PBX3: variants seen among roughly 807,000 people sequenced by gnomAD.
The protein encoded by PBX3 is PBX homeobox 3.
Under a neutral mutation model 48.5 loss-of-function variants are expected in PBX3, and 14 were observed. The ratio of observed to expected loss-of-function variants is 0.29; its 90% CI spans 0.19 to 0.45. The LOEUF is 0.45. Among genes scored for constraint, PBX3 ranks in the 20% least tolerant of loss-of-function variants. PBX3 has a pLI of 1.00. For missense variants in PBX3, 386 were observed against 546.7 expected (o/e 0.71, Z 2.93); for synonymous variants, 210 against 200.3 (o/e 1.05, Z -0.41).
chr9:125,841,630 C>T lies in PBX3; in HGVS notation c.275-74056C>T, dbSNP rs1313516693. Among the ~76,000 whole-genome samples the T allele has an allele frequency of 2.0e-5, 3 of 152,134 alleles. No homozygotes were observed. The East Asian group carries it at 5.8e-4, about 29-fold the overall frequency. Reference sequence around the variant, plus strand: ...AGAGTGAAGTCTCTGGAGTATAGCTCTGCTGGTGTATGACTTGTTTTGGTC... The same window carrying T: ...AGAGTGAAGTCTCTGGAGTATAGCTTTGCTGGTGTATGACTTGTTTTGGTC... On this transcript the variant is annotated intron_variant, in intron 2 of 8. Coordinates refer to ENST00000373489, the MANE Select transcript of PBX3 (RefSeq NM_006195.6).
intron 5 of PBX3, among the ~76,000 whole-genome samples, chr9:125,959,092 C>T (rs1371315492): frequency 2.0e-5 from 3 of 152,190 alleles, no homozygotes; most frequent in Non-Finnish European, 4.4e-5. Context: ...TATAACCACT[C>T]CCATCTACCA....
At chr9:125,908,328 T>A (rs997331860) in intron 2 of PBX3, among the ~76,000 whole-genome samples, 1 of 152,060 alleles carries the variant, frequency 6.6e-6, no homozygotes, top group Non-Finnish European at 1.5e-5. Context: ...GTTATCCCAT[T>A]CACAGCATGG....
chr9:125,787,887 C>T (rs1837499969), intron 2 of PBX3, among the ~76,000 whole-genome samples: 1 of 152,090 alleles, frequency 6.6e-6, no homozygotes. Flanking sequence ...GGATGTGGCC[C>T]TGGGAGCTTG....
At chr9:125,928,897 A>G (rs886584670) in intron 3 of PBX3, among the ~76,000 whole-genome samples, 1 of 151,548 alleles carries the variant, frequency 6.6e-6, no homozygotes, top group African/African-American at 2.4e-5. Context: ...CTAAATTATA[A>G]TAGGTCATTG....
intron 2 of PBX3, among the ~76,000 whole-genome samples, chr9:125,825,445 T>C (rs1838780989): frequency 6.6e-6 from 1 of 152,062 alleles, no homozygotes; most frequent in African/African-American, 2.4e-5. Flanking sequence ...AAACAACTTA[T>C]ATTTCCAAAA....
chr9:125,955,895 C>T (rs1194202364), intron 5 of PBX3, among the ~76,000 whole-genome samples: 2 of 152,104 alleles, frequency 1.3e-5, no homozygotes, highest in Non-Finnish European at 2.9e-5. Flanking sequence ...TTTTCATTTC[C>T]CCACAGCACC....
At chr9:125,954,501 G>A (rs1842260145) in intron 5 of PBX3, among the ~76,000 whole-genome samples, 1 of 152,146 alleles carries the variant, frequency 6.6e-6, no homozygotes, top group Non-Finnish European at 1.5e-5. Flanking sequence ...AAAAAGAAGA[G>A]CATAAAATTT....
chr9:125,787,880 T>C (rs1412516260), intron 2 of PBX3, among the ~76,000 whole-genome samples: 1 of 152,220 alleles, frequency 6.6e-6, no homozygotes, highest in Non-Finnish European at 1.5e-5. Context: ...AAGTTCAGGA[T>C]GTGGCCCTGG....
intron 2 of PBX3, among the ~76,000 whole-genome samples, chr9:125,899,266 TAA>T (rs1255071864): frequency 2.4e-5 from 3 of 124,304 alleles, no homozygotes; most frequent in South Asian, 2.4e-4. Context: ...TATTTATATA[TAA>T]ATATACATAT....
chr9:125,871,795 A>G (rs1221834947), intron 2 of PBX3, among the ~76,000 whole-genome samples: 1 of 152,204 alleles, frequency 6.6e-6, no homozygotes, highest in Non-Finnish European at 1.5e-5. Context: ...TTAAAATTAC[A>G]TATGGGGTTC....
intron 2 of PBX3, among the ~76,000 whole-genome samples, chr9:125,775,595 T>C (rs1388759860): frequency 6.6e-6 from 1 of 152,246 alleles, no homozygotes; most frequent in Non-Finnish European, 1.5e-5. Context: ...TCTATTTCAT[T>C]GATCCATATG....
intron 2 of PBX3, among the ~76,000 whole-genome samples, chr9:125,822,236 T>C (rs1838673416): frequency 6.6e-6 from 1 of 152,158 alleles, no homozygotes; most frequent in Non-Finnish European, 1.5e-5. Context: ...TCAAATATAT[T>C]GTTTCTTCTT....
intron 2 of PBX3, among the ~76,000 whole-genome samples, chr9:125,813,789 G>C (rs1274736829): frequency 2.0e-5 from 3 of 151,612 alleles, no homozygotes; most frequent in African/African-American, 7.3e-5. Flanking sequence ...AACAAGATTT[G>C]AGTGTAAGTT....
chr9:125,806,731 CATAAGTT>C (rs1215016067), intron 2 of PBX3, among the ~76,000 whole-genome samples: 6 of 152,160 alleles, frequency 3.9e-5, no homozygotes, highest in Non-Finnish European at 8.8e-5. Flanking sequence ...CTCAGTGTCT[CATAAGTT>C]ATTGTGAGCA....
At chr9:125,843,613 G>A in intron 2 of PBX3, 1 of 238,556 alleles carries the variant, frequency 4.2e-6, no homozygotes. Context: ...TTAATGGCCG[G>A]TGCTTGGTAT....
At chr9:125,864,068 G>A (rs1304795293) in intron 2 of PBX3, among the ~76,000 whole-genome samples, 1 of 152,198 alleles carries the variant, frequency 6.6e-6, no homozygotes, top group Non-Finnish European at 1.5e-5. Context: ...ACTGTCCAGG[G>A]TCAGAGTGAA....
intron 2 of PBX3, among the ~76,000 whole-genome samples, chr9:125,828,302 C>T (rs1205777273): frequency 6.6e-6 from 1 of 152,062 alleles, no homozygotes; most frequent in East Asian, 1.9e-4. Flanking sequence ...CCATAGTTTA[C>T]AGCAACAAAT....
intron 2 of PBX3, among the ~76,000 whole-genome samples, chr9:125,879,412 T>C (rs1471137857): frequency 6.6e-6 from 1 of 152,208 alleles, no homozygotes; most frequent in Non-Finnish European, 1.5e-5. Flanking sequence ...AGAAGGTATA[T>C]GAACACATAA....
chr9:125,913,688 A>G (rs1360195659), intron 2 of PBX3, among the ~76,000 whole-genome samples: 1 of 152,182 alleles, frequency 6.6e-6, no homozygotes, highest in Non-Finnish European at 1.5e-5. Flanking sequence ...ACTTCACCAC[A>G]TGTCCATAGG....
Sources: allele counts gnomAD v4.1 joint callset (sites outside exome capture counted in the v4.1 genomes callset), GRCh38; gene constraint gnomAD v4.1.1; transcripts MANE v1.5; gene names NCBI Gene and HGNC (gene_info 2026-07-23, HGNC 2026-07-21).